SMYD3: variants seen among roughly 807,000 people sequenced by gnomAD.
SMYD3 encodes SET and MYND domain containing 3.
Under a neutral mutation model 57.7 loss-of-function variants are expected in SMYD3, and 36 were observed. That is an observed-to-expected ratio of 0.62 (90% CI 0.48 to 0.82). SMYD3 has a LOEUF of 0.82. Ranked by LOEUF, SMYD3 falls within the 40% of genes least tolerant of loss-of-function variation. SMYD3 has a pLI of 0.00. For missense variants in SMYD3, 515 were observed against 538.8 expected (o/e 0.96, Z 0.44); for synonymous variants, 211 against 195.0 (o/e 1.08, Z -0.68).
chr1:246,378,030 C>A (rs1036842213), intron 1 of SMYD3, among the ~76,000 whole-genome samples: 1 of 152,180 alleles, frequency 6.6e-6, no homozygotes, highest in Non-Finnish European at 1.5e-5. Context: ...CTTTTCATGT[C>A]TATTCACCAT....
chr1:246,180,528 C>T (rs531595741), intron 5 of SMYD3, among the ~76,000 whole-genome samples: 1 of 150,102 alleles, frequency 6.7e-6, no homozygotes, highest in Non-Finnish European at 1.5e-5. Context: ...GAGGCCGAGG[C>T]AGGTGGATCA....
At position 246,039,918 on chromosome 1, in the gene SMYD3, C is replaced by A. The variant is rs1251650921; in HGVS notation, c.532-109981G>T. On this transcript the variant is annotated intron_variant, in intron 5 of 11. Transcript: ENST00000490107. ...AAAAGGGATATGAGAAGAAGAGTGG[C>A]TAAGCCCAAGCTTATTTCAAGTACT... Among the ~76,000 whole-genome samples the A allele has an allele frequency of 4.6e-5, 7 of 152,304 alleles. No individual in the cohort carries two copies. The South Asian group carries it at 1.4e-3, about 32-fold the overall frequency.
At chr1:246,018,010 C>G (rs1490126983) in intron 5 of SMYD3, among the ~76,000 whole-genome samples, 3 of 152,136 alleles carry the variant, frequency 2.0e-5, no homozygotes, top group Admixed American at 2.0e-4. Flanking sequence ...TCTGTCCCAG[C>G]CCTGGAATCA....
intron 5 of SMYD3, among the ~76,000 whole-genome samples, chr1:246,254,850 T>C (rs1167579498): frequency 6.6e-6 from 1 of 152,176 alleles, no homozygotes; most frequent in Non-Finnish European, 1.5e-5. Context: ...TTTACTTCCT[T>C]GGTTAGATGT....
At chr1:246,131,001 G>T (rs2061578900) in intron 5 of SMYD3, among the ~76,000 whole-genome samples, 1 of 152,080 alleles carries the variant, frequency 6.6e-6, no homozygotes. Context: ...TATGCTCCAA[G>T]GACTAGAAGC....
chr1:246,135,173 A>G (rs1369775077), intron 5 of SMYD3, among the ~76,000 whole-genome samples: 7 of 152,114 alleles, frequency 4.6e-5, no homozygotes, highest in African/African-American at 2.4e-5. Context: ...TCAGTCATCT[A>G]CCTGAAAGCT....
intron 8 of SMYD3, among the ~76,000 whole-genome samples, chr1:245,881,148 C>G (rs1449520484): frequency 6.6e-6 from 1 of 152,276 alleles, no homozygotes; most frequent in East Asian, 1.9e-4. Context: ...GATTAGAAAA[C>G]TCACATATCT....
rs144768230 is a variant in SMYD3, at chr1:245,899,502, G to A, written c.813+16028C>T. ...TCTTTAATGTTACAGAGGATGGAAC[G>A]AATCCAGAGAGGTTCAATGACTTGC... On this transcript the variant is annotated intron_variant, in intron 8 of 11. Coordinates refer to ENST00000490107, the MANE Select transcript of SMYD3 (RefSeq NM_001167740.2). Among the ~76,000 whole-genome samples, 242 of 152,268 alleles carry A rather than the reference G, an allele frequency of 1.6e-3. 1 individual carries two copies. Among genetic ancestry groups the A allele is most frequent in the African/African-American group, 5.5e-3 (229 of 41,556 alleles).
rs150710804 is a variant in SMYD3, at chr1:245,858,515, G to A, written c.1057C>T (p.Arg353Trp). 46 of 1,613,892 alleles carry A rather than the reference G, an allele frequency of 2.9e-5. No homozygotes were observed. The highest frequency in any genetic ancestry group is 3.6e-5 in the Non-Finnish European group (42 of 1,179,996). The change falls in exon 10 of 12, where the codon CGG becomes TGG. Residue 353 changes from arginine to tryptophan, a missense_variant. Transcript: ENST00000490107. ...LLEEALFYGT[R>W]TMEPYRIFFP... Reference sequence around the variant, plus strand: ...ACTTGCCTGTATGGCTCCATGGTCCGAGTACCATAGAACAAGGCTTCCTCC... The same window carrying A: ...ACTTGCCTGTATGGCTCCATGGTCCAAGTACCATAGAACAAGGCTTCCTCC...
chr1:246,209,262 T>G (rs367731564), intron 5 of SMYD3, among the ~76,000 whole-genome samples: 1 of 152,274 alleles, frequency 6.6e-6, no homozygotes, highest in East Asian at 1.9e-4. Context: ...TAATAACTTC[T>G]GAACAATTTG....
intron 10 of SMYD3, among the ~76,000 whole-genome samples, chr1:245,810,179 A>G (rs539444647): frequency 7.9e-5 from 12 of 152,186 alleles, no homozygotes; most frequent in Non-Finnish European, 1.6e-4. Flanking sequence ...GAGTTAGAGC[A>G]GCTCTTTGGA....
chr1:245,834,738 C>T (rs915677589), intron 10 of SMYD3, among the ~76,000 whole-genome samples: 6 of 152,150 alleles, frequency 3.9e-5, no homozygotes, highest in Admixed American at 1.3e-4. Flanking sequence ...ACATGGGAGG[C>T]CAGAAAGGGA....
intron 5 of SMYD3, chr1:246,025,837 T>A (rs562783137): frequency 6.6e-6 from 1 of 152,236 alleles, no homozygotes; most frequent in African/African-American, 2.4e-5. Flanking sequence ...CCAAGTGTTC[T>A]AAAGAAAAAC....
rs574312089 is a variant in SMYD3, at chr1:246,399,579, A to G, written c.165-44485T>C. ...AGCCGGTCTCGAACTCCTGGGCTCA[A>G]CTGATCTGCCCGGGTCAGCTTTCCA... On this transcript the variant is annotated intron_variant, in intron 1 of 11. Coordinates refer to ENST00000490107, the MANE Select transcript of SMYD3 (RefSeq NM_001167740.2). 1.2e-4 allele frequency among the ~76,000 whole-genome samples: 18 copies of G among 152,252 alleles called. No individual in the cohort carries two copies. In the Middle Eastern group the frequency reaches 0.01, roughly 87 times the overall value.
At chr1:246,408,823 C>T (rs543950763) in intron 1 of SMYD3, among the ~76,000 whole-genome samples, 1 of 152,024 alleles carries the variant, frequency 6.6e-6, no homozygotes, top group Admixed American at 6.6e-5. Flanking sequence ...GTGCCTGCCA[C>T]CACACCTGGC....
intron 2 of SMYD3, among the ~76,000 whole-genome samples, chr1:246,350,042 TATAA>T (rs1183936731): frequency 2.0e-5 from 3 of 152,304 alleles, no homozygotes; most frequent in African/African-American, 7.2e-5. Flanking sequence ...CCATTTTACA[TATAA>T]ATAGATTAAA....
At chr1:246,160,993 C>T (rs1174173983) in intron 5 of SMYD3, among the ~76,000 whole-genome samples, 1 of 152,214 alleles carries the variant, frequency 6.6e-6, no homozygotes, top group Non-Finnish European at 1.5e-5. Context: ...ACATTACCAA[C>T]ATGCAGGCTG....
chr1:246,414,102 G>C (rs2067019892), intron 1 of SMYD3, among the ~76,000 whole-genome samples: 1 of 152,156 alleles, frequency 6.6e-6, no homozygotes, highest in Admixed American at 6.5e-5. Context: ...CATGTGCCTG[G>C]TTGAAAATTC....
rs534968477 is a variant in SMYD3, at chr1:246,324,986, G to C, written c.531+2215C>G. The stretch of plus-strand genomic sequence containing the variant: ...ATGAACAAGGAAGGAGAAGGAGTCA[G>C]GGGGCGGGAAGGAGGGAGAAGGAGT... On this transcript the variant is annotated intron_variant, in intron 5 of 11. Transcript: ENST00000490107. Among the ~76,000 whole-genome samples the C allele has an allele frequency of 5.6e-4, 73 of 130,744 alleles. 1 individual carries two copies. Among genetic ancestry groups the C allele is most frequent in the Admixed American group, 9.1e-4 (11 of 12,096 alleles). The allele number at this position is 130,744 out of a possible 152,430, so 85.8% of individuals were successfully genotyped here. A position where few individuals can be genotyped will look rare whatever the true frequency, so the allele number is the denominator to read the frequency against.
Sources: gnomAD v4.1 joint callset for allele counts (sites outside exome capture counted in the v4.1 genomes callset) on GRCh38, gnomAD v4.1.1 for gene constraint, MANE v1.5 for transcripts, NCBI Gene and HGNC (gene_info 2026-07-23, HGNC 2026-07-21) for gene names.